ABTB3: variants seen among roughly 807,000 people sequenced by gnomAD.
ABTB3 encodes ankyrin repeat- and BTB/POZ domain-containing protein 3.
At chr12:107,426,003 G>A in the ABTB3 span, among the ~76,000 whole-genome samples, 1,972 of 152,252 alleles carry the variant, frequency 0.013, 46 homozygotes, top group African/African-American at 0.045. Flanking sequence ...GAAGGCATTT[G>A]CATTTCTAGC....
At chr12:107,382,936 G>A in the ABTB3 span, among the ~76,000 whole-genome samples, 62 of 152,138 alleles carry the variant, frequency 4.1e-4, no homozygotes, top group African/African-American at 1.2e-3. Flanking sequence ...AATCCTCGTA[G>A]CTGCTGCCTG....
chr12:107,382,068 A>T, the ABTB3 span, among the ~76,000 whole-genome samples: 1 of 152,206 alleles, frequency 6.6e-6, no homozygotes, highest in Non-Finnish European at 1.5e-5. Flanking sequence ...GGCAGAAAAA[A>T]ACAATAAATG....
chr12:107,524,158 G>C, the ABTB3 span, among the ~76,000 whole-genome samples: 4 of 152,236 alleles, frequency 2.6e-5, no homozygotes, highest in Admixed American at 2.0e-4. Context: ...ACTTTTGCAT[G>C]TGAGTTGTTG....
At chr12:107,573,955 A>T in the ABTB3 span, among the ~76,000 whole-genome samples, 2 of 152,240 alleles carry the variant, frequency 1.3e-5, no homozygotes, top group Non-Finnish European at 2.9e-5. Context: ...CTAGCCAAGT[A>T]GATACATAAA....
the ABTB3 span, among the ~76,000 whole-genome samples, chr12:107,468,996 C>T: frequency 6.6e-6 from 1 of 152,236 alleles, no homozygotes; most frequent in East Asian, 1.9e-4. Flanking sequence ...TAACACCTGT[C>T]CTCCCACACC....
chr12:107,518,324 C>T, the ABTB3 span, among the ~76,000 whole-genome samples: 30 of 152,058 alleles, frequency 2.0e-4, no homozygotes, highest in Non-Finnish European at 3.2e-4. Flanking sequence ...ATGTTTATTG[C>T]GGCACTATTC....
the ABTB3 span, among the ~76,000 whole-genome samples, chr12:107,425,908 C>A: frequency 5.9e-5 from 9 of 152,326 alleles, no homozygotes; most frequent in South Asian, 1.9e-3. Context: ...AAGCCTCCAC[C>A]CAGTTGGGTT....
chr12:107,319,682 A>G, the ABTB3 span: 1 of 1,535,764 alleles, frequency 6.5e-7, no homozygotes. Context: ...CTTCCGGGAC[A>G]TCTACTCGCG....
chr12:107,652,796 T>C, the ABTB3 span, among the ~76,000 whole-genome samples: 1 of 152,254 alleles, frequency 6.6e-6, no homozygotes, highest in African/African-American at 2.4e-5. Flanking sequence ...TAAAATACTT[T>C]GTCCAGGTAC....
the ABTB3 span, among the ~76,000 whole-genome samples, chr12:107,362,653 C>T: frequency 2.0e-5 from 3 of 152,134 alleles, no homozygotes; most frequent in East Asian, 5.8e-4. Flanking sequence ...ATTAGTCTGG[C>T]AGGTTGGCAC....
At chr12:107,355,002 G>A in the ABTB3 span, among the ~76,000 whole-genome samples, 15,226 of 151,976 alleles carry the variant, frequency 0.1, 1,196 homozygotes, top group African/African-American at 0.21. Context: ...CTTTTTTGTC[G>A]CTGAGTAGCA....
chr12:107,321,805 G>A, the ABTB3 span, among the ~76,000 whole-genome samples: 1 of 152,036 alleles, frequency 6.6e-6, no homozygotes, highest in African/African-American at 2.4e-5. Context: ...TTCCTTCCTG[G>A]TGGCTCCCAT....
At chr12:107,562,136 A>C in the ABTB3 span, among the ~76,000 whole-genome samples, 1 of 152,228 alleles carries the variant, frequency 6.6e-6, no homozygotes, top group Non-Finnish European at 1.5e-5. Flanking sequence ...TTATTCTTTC[A>C]TCCATTCAAC....
chr12:107,622,885 A>T, the ABTB3 span, among the ~76,000 whole-genome samples: 1 of 152,226 alleles, frequency 6.6e-6, no homozygotes, highest in Non-Finnish European at 1.5e-5. Context: ...TCCCACCATT[A>T]TTGGTTTGTG....
the ABTB3 span, among the ~76,000 whole-genome samples, chr12:107,462,514 A>T: frequency 6.6e-6 from 1 of 152,132 alleles, no homozygotes; most frequent in African/African-American, 2.4e-5. Flanking sequence ...GACACTACTG[A>T]TGATGGTGGT....
At chr12:107,513,878 A>AT in the ABTB3 span, among the ~76,000 whole-genome samples, 1 of 152,158 alleles carries the variant, frequency 6.6e-6, no homozygotes, top group Admixed American at 6.5e-5. Context: ...CAGCTTTCAT[A>AT]TTTTTTGTTC....
chr12:107,341,587 A>C, the ABTB3 span, among the ~76,000 whole-genome samples: 3 of 152,160 alleles, frequency 2.0e-5, no homozygotes, highest in South Asian at 6.2e-4. Flanking sequence ...CAATATGTGA[A>C]ACATTAAAAA....
chr12:107,578,687 C>G, the ABTB3 span, among the ~76,000 whole-genome samples: 1 of 152,128 alleles, frequency 6.6e-6, no homozygotes, highest in Non-Finnish European at 1.5e-5. Flanking sequence ...TCACCTGAGA[C>G]AGTAGAATCC....
chr12:107,484,462 A>C, the ABTB3 span, among the ~76,000 whole-genome samples: 1 of 152,232 alleles, frequency 6.6e-6, no homozygotes, highest in Non-Finnish European at 1.5e-5. Flanking sequence ...CGTCAGGCAG[A>C]GTAAGCCAGG....
Sources: gnomAD v4.1 joint callset for allele counts (sites outside exome capture counted in the v4.1 genomes callset) on GRCh38, gnomAD v4.1.1 for gene constraint, MANE v1.5 for transcripts, NCBI Gene and HGNC (gene_info 2026-07-23, HGNC 2026-07-21) for gene names.